The following STPG2 variants were observed in gnomAD, a reference collection of about 807,000 sequenced individuals.
The protein encoded by STPG2 is sperm-tail PG-rich repeat-containing protein 2.
STPG2 carries 56 observed loss-of-function variants against 54.2 expected under a neutral mutation model. The ratio of observed to expected loss-of-function variants is 1.03; its 90% CI spans 0.83 to 1.29. The LOEUF (loss-of-function observed/expected upper bound fraction) is 1.29, where lower values mean the gene tolerates loss of function less well. Ranked by LOEUF, STPG2 falls within the 50% of genes most tolerant of loss-of-function variation. The pLI is 0.00. For missense variants in STPG2, 596 were observed against 544.9 expected (o/e 1.09, Z -0.93); for synonymous variants, 200 against 181.8 (o/e 1.10, Z -0.81).
At chr4:97,621,015 C>G (rs182350281) in intron 10 of STPG2, among the ~76,000 whole-genome samples, 12 of 152,146 alleles carry the variant, frequency 7.9e-5, no homozygotes, top group Admixed American at 6.5e-5. Flanking sequence ...GGACTTTACA[C>G]AACCTGCTCC....
intron 8 of STPG2, among the ~76,000 whole-genome samples, chr4:97,907,842 C>T (rs1179101343): frequency 3.3e-5 from 5 of 152,062 alleles, no homozygotes; most frequent in Non-Finnish European, 7.4e-5. Flanking sequence ...TGGATCCCTT[C>T]CTTACACCTT....
intron 9 of STPG2, among the ~76,000 whole-genome samples, chr4:97,839,207 C>G (rs1347783180): frequency 6.6e-6 from 1 of 151,584 alleles, no homozygotes; most frequent in African/African-American, 2.4e-5. Context: ...GAAAATGACT[C>G]TGAAATATAT....
intron 10 of STPG2, among the ~76,000 whole-genome samples, chr4:97,695,327 ATAGAAGG>A (rs1723534907): frequency 6.6e-6 from 1 of 152,196 alleles, no homozygotes; most frequent in South Asian, 2.1e-4. Context: ...CAAAATCAGC[ATAGAAGG>A]AACATACCTT....
At chr4:97,641,182 C>G (rs1219573580) in intron 10 of STPG2, among the ~76,000 whole-genome samples, 8 of 151,470 alleles carry the variant, frequency 5.3e-5, no homozygotes, top group Admixed American at 5.3e-4. Flanking sequence ...AAGCAAGAGG[C>G]AAAACTTCTC....
chr4:98,092,220 A>T (rs958500803), intron 5 of STPG2, among the ~76,000 whole-genome samples: 1 of 152,094 alleles, frequency 6.6e-6, no homozygotes, highest in Non-Finnish European at 1.5e-5. Context: ...TTCCATCTTT[A>T]TTGACACTTT....
chr4:97,714,507 C>T (rs1039097405), intron 9 of STPG2, among the ~76,000 whole-genome samples: 1 of 152,094 alleles, frequency 6.6e-6, no homozygotes, highest in African/African-American at 2.4e-5. Context: ...ATATAGCTAT[C>T]TAAAGTTCCT....
intron 9 of STPG2, among the ~76,000 whole-genome samples, chr4:97,758,988 G>T (rs1373251629): frequency 6.6e-6 from 1 of 151,928 alleles, no homozygotes; most frequent in South Asian, 2.1e-4. Context: ...AAAAATGAAC[G>T]TATAATATTT....
At chr4:98,050,094 C>T (rs1737269963) in intron 5 of STPG2, among the ~76,000 whole-genome samples, 1 of 151,998 alleles carries the variant, frequency 6.6e-6, no homozygotes, top group African/African-American at 2.4e-5. Context: ...CAACCAATTA[C>T]AATGTATGGA....
intron 3 of STPG2, among the ~76,000 whole-genome samples, chr4:98,118,823 C>T (rs188952392): frequency 2.6e-4 from 39 of 152,182 alleles, no homozygotes; most frequent in Non-Finnish European, 1.3e-4. Flanking sequence ...CAAAAAGTGG[C>T]TTACAAGGCT....
intron 10 of STPG2, among the ~76,000 whole-genome samples, chr4:97,559,751 C>T (rs1468456357): frequency 5.9e-5 from 9 of 152,162 alleles, no homozygotes; most frequent in Non-Finnish European, 1.3e-4. Context: ...TCAGTTTCAG[C>T]TCCTGCCTAA....
At chr4:97,989,393 T>G (rs781066066) in intron 5 of STPG2, among the ~76,000 whole-genome samples, 7 of 152,174 alleles carry the variant, frequency 4.6e-5, no homozygotes, top group Non-Finnish European at 8.8e-5. Flanking sequence ...AGTCTCCCAG[T>G]GAATGCCTGA....
At chr4:97,500,454 G>A (rs1730699314) in intron 4 of STPG2, among the ~76,000 whole-genome samples, 1 of 152,018 alleles carries the variant, frequency 6.6e-6, no homozygotes, top group African/African-American at 2.4e-5. Context: ...TTTGATGTGT[G>A]GAGTTTAGTG....
At chr4:97,940,925 T>C (rs1202594846) in intron 8 of STPG2, among the ~76,000 whole-genome samples, 1 of 152,254 alleles carries the variant, frequency 6.6e-6, no homozygotes, top group Non-Finnish European at 1.5e-5. Context: ...TTCATCTTTG[T>C]CTTTATGTCA....
At chr4:97,983,330 A>G (rs576051600) in intron 5 of STPG2, among the ~76,000 whole-genome samples, 5 of 152,316 alleles carry the variant, frequency 3.3e-5, no homozygotes, top group African/African-American at 1.2e-4. Flanking sequence ...TTATTTGACT[A>G]TGTTATTGGT....
chr4:97,812,274 T>C (rs983579803), intron 9 of STPG2, among the ~76,000 whole-genome samples: 1 of 152,126 alleles, frequency 6.6e-6, no homozygotes, highest in Admixed American at 6.5e-5. Context: ...AAATTACAGA[T>C]GATCTGTTAG....
chr4:97,911,546 AAC>A (rs2149199964), intron 8 of STPG2, among the ~76,000 whole-genome samples: 1 of 152,286 alleles, frequency 6.6e-6, no homozygotes, highest in East Asian at 1.9e-4. Context: ...AATTCCCCAC[AAC>A]ACAGCACAGC....
chr4:97,836,230 T>C (rs770312282), intron 9 of STPG2, among the ~76,000 whole-genome samples: 19 of 151,964 alleles, frequency 1.3e-4, no homozygotes, highest in Non-Finnish European at 5.9e-5. Flanking sequence ...AATTTCATTG[T>C]TGTCTTATTT....
At chr4:97,954,140 G>A (rs1198440074) in intron 7 of STPG2, among the ~76,000 whole-genome samples, 4 of 152,278 alleles carry the variant, frequency 2.6e-5, no homozygotes, top group Middle Eastern at 3.4e-3. Flanking sequence ...TTTGGCTCTA[G>A]AGGAAATGAG....
intron 4 of STPG2, among the ~76,000 whole-genome samples, chr4:97,455,490 A>G (rs1009489607): frequency 1.3e-5 from 2 of 152,100 alleles, no homozygotes; most frequent in Non-Finnish European, 2.9e-5. Flanking sequence ...GCCATCAACC[A>G]ATGGAAGAAC....
Sources: gnomAD v4.1 joint callset for allele counts (sites outside exome capture counted in the v4.1 genomes callset) on GRCh38, gnomAD v4.1.1 for gene constraint, MANE v1.5 for transcripts, NCBI Gene and HGNC (gene_info 2026-07-23, HGNC 2026-07-21) for gene names.